The following RYR2 variants were observed in gnomAD, a reference collection of about 807,000 sequenced individuals.
RYR2 encodes the protein cardiac muscle ryanodine receptor-calcium release channel.
Under a neutral mutation model 601.1 loss-of-function variants are expected in RYR2, and 227 were observed. The ratio of observed to expected loss-of-function variants is 0.38; its 90% CI spans 0.34 to 0.42. The LOEUF is 0.42. Among genes scored for constraint, RYR2 ranks in the 10% least tolerant of loss-of-function variants. RYR2 has a pLI of 1.00. For missense variants in RYR2, 4,646 were observed against 6,156.5 expected (o/e 0.75, Z 8.21); for synonymous variants, 2,223 against 2,175.1 (o/e 1.02, Z -0.61).
At chr1:237,485,426 T>G (rs1368463613) in intron 17 of RYR2, among the ~76,000 whole-genome samples, 4 of 152,186 alleles carry the variant, frequency 2.6e-5, no homozygotes, top group Non-Finnish European at 2.9e-5. Flanking sequence ...GCTCGTTCTG[T>G]AATGGGGGAT....
chr1:237,500,984 T>A, intron 21 of RYR2, 81 bp downstream of exon 21: 1 of 1,305,330 alleles, frequency 7.7e-7, no homozygotes, highest in South Asian at 1.2e-5. Context: ...GCCATTGCCC[T>A]TCTTCTCTAA....
chr1:237,089,886 T>A (rs922541176), intron 1 of RYR2, among the ~76,000 whole-genome samples: 1 of 152,192 alleles, frequency 6.6e-6, no homozygotes, highest in Non-Finnish European at 1.5e-5. Flanking sequence ...TAAGGGCCTG[T>A]ATTAGTCCGT....
chr1:237,796,441 AG>A (rs1659236385), intron 96 of RYR2, among the ~76,000 whole-genome samples: 1 of 152,192 alleles, frequency 6.6e-6, no homozygotes, highest in African/African-American at 2.4e-5. Context: ...AAATCAGCCC[AG>A]CCCATTTTTA....
At chr1:237,088,939 T>A (rs1666652886) in intron 1 of RYR2, among the ~76,000 whole-genome samples, 1 of 152,228 alleles carries the variant, frequency 6.6e-6, no homozygotes, top group African/African-American at 2.4e-5. Flanking sequence ...CTTTCTTGCC[T>A]GAGTTTCCAC....
At chr1:237,709,246 CTTAAAA>C in intron 69 of RYR2, 148 bp downstream of exon 69, 1 of 837,730 alleles carries the variant, frequency 1.2e-6, no homozygotes, top group Non-Finnish European at 1.8e-6. Context: ...TAATTTTTGG[CTTAAAA>C]TTAAAACACC....
chr1:237,604,056 T>C (rs1432448575), intron 35 of RYR2, among the ~76,000 whole-genome samples: 1 of 152,148 alleles, frequency 6.6e-6, no homozygotes, highest in Non-Finnish European at 1.5e-5. Context: ...TGAACTCAGC[T>C]CTGCACCAAG....
intron 27 of RYR2, among the ~76,000 whole-genome samples, chr1:237,562,154 T>A (rs1285061131): frequency 6.6e-6 from 1 of 152,218 alleles, no homozygotes; most frequent in African/African-American, 2.4e-5. Context: ...AGTTGTAGTA[T>A]CTTTGGAGTA....
chr1:237,771,890 A>G (rs1357587573), intron 85 of RYR2, 122 bp from the exon 86 acceptor site: 8 of 633,804 alleles, frequency 1.3e-5, no homozygotes, highest in Non-Finnish European at 2.0e-5. Context: ...AAACTATTAG[A>G]TAAAAACACT....
chr1:237,163,901 C>T (rs774347343), intron 1 of RYR2, among the ~76,000 whole-genome samples: 4 of 152,244 alleles, frequency 2.6e-5, no homozygotes, highest in African/African-American at 4.8e-5. Context: ...AGGCTGCTGA[C>T]GGAGGCTCTG....
At position 237,628,033 on chromosome 1, in the gene RYR2, T is replaced by C. The variant is rs370087757; in HGVS notation, c.6393T>C (p.Ser2131=). ...ASLGQIRSLL[S]VRMGKEEEKL... is the part of the protein sequence containing the mutation. ...TTGGTCAGATTCGGTCCCTGCTGAG[T>C]GTGAGAATGGGCAAAGAAGAAGAGA... Residue 2131 remains serine (S), a synonymous_variant, in exon 41 of 105, where the codon AGT becomes AGC. Coordinates refer to ENST00000366574, the MANE Select transcript of RYR2 (RefSeq NM_001035.3). 3.4e-5 allele frequency: 55 copies of C among 1,613,664 alleles called. No individual in the cohort carries two copies. The highest frequency in any genetic ancestry group is 4.2e-5 in the Non-Finnish European group (50 of 1,179,852).
intron 1 of RYR2, among the ~76,000 whole-genome samples, chr1:237,221,038 G>A (rs1683748067): frequency 6.6e-6 from 1 of 152,152 alleles, no homozygotes; most frequent in South Asian, 2.1e-4. Context: ...GGAGTTTGCA[G>A]TGAGCCGAGA....
chr1:237,726,414 A>C (rs1690202246), intron 75 of RYR2, 106 bp downstream of exon 75: 5 of 739,858 alleles, frequency 6.8e-6, no homozygotes, highest in Non-Finnish European at 1.2e-5. Flanking sequence ...TTAGAGTTCC[A>C]AACACTATTA....
intron 10 of RYR2, among the ~76,000 whole-genome samples, chr1:237,404,333 A>G (rs1055139051): frequency 2.0e-5 from 3 of 152,212 alleles, no homozygotes; most frequent in Admixed American, 1.3e-4. Flanking sequence ...CTTGAATTAA[A>G]TGGTGGTTCT....
chr1:237,748,912 C>A (rs1692306655), intron 80 of RYR2, among the ~76,000 whole-genome samples: 1 of 152,222 alleles, frequency 6.6e-6, no homozygotes, highest in Non-Finnish European at 1.5e-5. Context: ...CAACTACTTA[C>A]ATAACATTTA....
intron 17 of RYR2, among the ~76,000 whole-genome samples, chr1:237,477,385 G>A (rs187008256): frequency 1.2e-4 from 19 of 152,108 alleles, no homozygotes; most frequent in South Asian, 8.3e-4. Context: ...GTAAGACTCC[G>A]TCTCAAAAAA....
At position 237,563,802 on chromosome 1, in the gene RYR2, G is replaced by A. The variant is rs149812793; in HGVS notation, c.3215-2765G>A. Among the ~76,000 whole-genome samples, 552 of 152,080 alleles carry A rather than the reference G, an allele frequency of 3.6e-3. 14 individuals are homozygous for A. In the East Asian group the frequency reaches 0.062, roughly 17 times the overall value. On this transcript the variant is annotated intron_variant, in intron 27 of 104. Transcript: ENST00000366574. ...TTGATTTGTGCTAATATTAAAATTAGTTTGCATTACTTGAGTGCACTATAC... is the reference window on the plus strand; with the variant it reads ...TTGATTTGTGCTAATATTAAAATTAATTTGCATTACTTGAGTGCACTATAC...
chr1:237,778,997 G>A (rs924873990), intron 88 of RYR2, among the ~76,000 whole-genome samples: 2 of 152,088 alleles, frequency 1.3e-5, no homozygotes, highest in African/African-American at 4.8e-5. Flanking sequence ...TCAAATTTGA[G>A]ACAATGGATA....
chr1:237,388,813 G>C (rs772305535), intron 10 of RYR2, among the ~76,000 whole-genome samples: 17 of 152,314 alleles, frequency 1.1e-4, no homozygotes, highest in Non-Finnish European at 2.4e-4. Flanking sequence ...GTAGTAAGAT[G>C]AATATGTAAA....
In RYR2 at chr1:237,454,508, A is replaced by C. The variant is rs1260802077; in HGVS notation, c.1410A>C (p.Leu470Phe). Residue 470 changes from leucine to phenylalanine, a missense_variant, in exon 15 of 105, where the codon TTA (leucine) becomes TTC (phenylalanine). Coordinates refer to ENST00000366574, the MANE Select transcript of RYR2 (RefSeq NM_001035.3). Reference sequence around the variant, plus strand: ...ACTTCCACCCCCCAGATGAGCATTTAGAGCATGAAGACAAACAGAACAGAC... The same window carrying C: ...ACTTCCACCCCCCAGATGAGCATTTCGAGCATGAAGACAAACAGAACAGAC... Reference protein sequence around the residue: ...IGYFHPPDEHLEHEDKQNRLR... With the variant: ...IGYFHPPDEHFEHEDKQNRLR... 1 of 1,613,594 alleles carries C rather than the reference A, an allele frequency of 6.2e-7. No homozygotes were observed. Among genetic ancestry groups the C allele is most frequent in the Admixed American group, 1.7e-5 (1 of 59,940 alleles).
Sources: allele counts gnomAD v4.1 joint callset (sites outside exome capture counted in the v4.1 genomes callset), GRCh38; gene constraint gnomAD v4.1.1; transcripts MANE v1.5; gene names NCBI Gene and HGNC (gene_info 2026-07-23, HGNC 2026-07-21).